Variants in STRBP observed in about 807,000 individuals in gnomAD.
STRBP encodes the protein spermatid perinuclear RNA binding protein.
In STRBP, 13 loss-of-function variants were observed where a neutral mutation model predicts 80.1. The observed-to-expected ratio is 0.16, with a 90% CI of 0.11 to 0.26. The LOEUF is 0.26. Among genes scored for constraint, STRBP ranks in the 10% least tolerant of loss-of-function variants. The pLI is 1.00. For synonymous variants in STRBP, 284 were observed against 291.2 expected (o/e 0.98, Z 0.25); for missense variants, 485 against 815.2 (o/e 0.59, Z 4.93).
At chr9:123,178,599 C>T (rs918195813) in intron 4 of STRBP, among the ~76,000 whole-genome samples, 35 of 152,252 alleles carry the variant, frequency 2.3e-4, no homozygotes, top group African/African-American at 8.2e-4. Flanking sequence ...CATTTTCCTA[C>T]ACTCTTTCTT....
In STRBP at chr9:123,184,289, T is replaced by A; in HGVS notation, c.-155A>T. ...AGCAAATGTCTGAAGGCTTGTTCTC[T>A]GGAACACACCTGCAAGAGAAGAGGA... On this transcript the variant is annotated 5_prime_UTR_variant, in exon 3 of 19. Transcript: ENST00000348403. 1.7e-6 allele frequency: 1 copy of A among 584,654 alleles called. No individual in the cohort carries two copies. The highest frequency in any genetic ancestry group is 2.9e-6 in the Non-Finnish European group (1 of 346,690). 36.2% of individuals were successfully genotyped at this position (584,654 alleles called of 1,614,324 possible). A position where few individuals can be genotyped will look rare whatever the true frequency, so the allele number is the denominator to read the frequency against.
At chr9:123,145,200 C>T (rs1020091370) in intron 13 of STRBP, among the ~76,000 whole-genome samples, 4 of 152,136 alleles carry the variant, frequency 2.6e-5, no homozygotes, top group Non-Finnish European at 4.4e-5. Context: ...TCTACATTTC[C>T]GAAATTTGTC....
chr9:123,121,669 T>C lies in STRBP; in HGVS notation c.*3928A>G, dbSNP rs1456734303. 3 of 152,066 alleles carry C rather than the reference T, an allele frequency of 2.0e-5. No homozygotes were observed. Among genetic ancestry groups the C allele is most frequent in the Non-Finnish European group, 4.4e-5 (3 of 68,000 alleles). 9.4% of individuals were successfully genotyped at this position (152,066 alleles called of 1,614,324 possible). A position where few individuals can be genotyped will look rare whatever the true frequency, so the allele number is the denominator to read the frequency against. On this transcript the variant is annotated 3_prime_UTR_variant, in exon 19 of 19. Transcript: ENST00000348403. ...TTTTTTCTATGGCTTCTTGCTGTTG[T>C]TGTATTAGGGCATACAACACAGATC...
chr9:123,124,105 AC>A lies in STRBP; in HGVS notation c.*1491del. ...ACATTTGTTGTACATTGCCCATTTCACCTTTATTTAGTGGTCCCGAAGGAAT... is the reference window on the plus strand; with the variant it reads ...ACATTTGTTGTACATTGCCCATTTCACTTTATTTAGTGGTCCCGAAGGAAT... On this transcript the variant is annotated 3_prime_UTR_variant, in exon 19 of 19. Transcript: ENST00000348403. 5 of 985,418 alleles carry A rather than the reference AC, an allele frequency of 5.1e-6. No individual in the cohort carries two copies. The highest frequency in any genetic ancestry group is 1.7e-5 in the African/African-American group (1 of 57,352). 61.0% of individuals were successfully genotyped at this position (985,418 alleles called of 1,614,324 possible).
intron 3 of STRBP, chr9:123,180,956 C>T (rs554393046): frequency 3.0e-6 from 3 of 984,414 alleles, no homozygotes; most frequent in African/African-American, 1.7e-5. Context: ...AACAGTCTTG[C>T]CTCTTTTGTT....
chr9:123,111,351 G>A (rs755884675), intron 3 of STRBP: 43 of 267,248 alleles, frequency 1.6e-4, no homozygotes, highest in Non-Finnish European at 3.0e-4. Flanking sequence ...AGGTGGAGAC[G>A]GAACTTCTCA....
At chr9:123,261,159 A>G (rs770094997) in intron 1 of STRBP, among the ~76,000 whole-genome samples, 11 of 152,084 alleles carry the variant, frequency 7.2e-5, no homozygotes, top group South Asian at 4.2e-4. Context: ...GCATACCCAT[A>G]CTCCACCCAG....
intron 1 of STRBP, among the ~76,000 whole-genome samples, chr9:123,259,283 T>C (rs2041109425): frequency 6.6e-6 from 1 of 152,078 alleles, no homozygotes; most frequent in South Asian, 2.1e-4. Flanking sequence ...TACTGAGATA[T>C]GGAAGATTAT....
chr9:123,133,933 G>A (rs566589767), intron 16 of STRBP, among the ~76,000 whole-genome samples: 125 of 152,128 alleles, frequency 8.2e-4, no homozygotes, highest in African/African-American at 2.8e-3. Context: ...TTAAAAATGT[G>A]GATAATGATA....
chr9:123,117,330 A>G (rs1282641777), downstream of STRBP, among the ~76,000 whole-genome samples: 1 of 152,160 alleles, frequency 6.6e-6, no homozygotes, highest in East Asian at 1.9e-4. Flanking sequence ...CTTTGTCCTG[A>G]AAAGGATCCC....
exon 4 of STRBP, chr9:123,109,577 G>A (rs749583171): frequency 6.6e-6 from 1 of 152,278 alleles, no homozygotes; most frequent in Non-Finnish European, 1.5e-5. Context: ...ACAAACTGCA[G>A]CAGCCAGACA....
At position 123,241,832 on chromosome 9, in the gene STRBP, G is replaced by A. The variant is rs373312084; in HGVS notation, c.-301-4866C>T. Among the ~76,000 whole-genome samples the A allele has an allele frequency of 3.9e-4, 59 of 152,080 alleles. 2 individuals are homozygous for A. In the South Asian group the frequency reaches 0.011, roughly 28 times the overall value. On this transcript the variant is annotated intron_variant, in intron 1 of 18. Transcript: ENST00000348403. ...CAGCAACCTTTTCACTCCCTTAATC[G>A]AAACATTCCAGTGGCTTCTCATCAC...
At chr9:123,238,149 T>A (rs570057116) in intron 1 of STRBP, among the ~76,000 whole-genome samples, 4 of 152,230 alleles carry the variant, frequency 2.6e-5, no homozygotes, top group Non-Finnish European at 4.4e-5. Context: ...AACGTTAGCA[T>A]TTCTTATTTA....
At chr9:123,154,955 G>C (rs1352428046) in intron 11 of STRBP, among the ~76,000 whole-genome samples, 1 of 152,208 alleles carries the variant, frequency 6.6e-6, no homozygotes, top group Non-Finnish European at 1.5e-5. Context: ...AGGTTTTTAC[G>C]CTGATGAGAA....
In STRBP at chr9:123,224,019, C is replaced by T. The variant is rs116279998; in HGVS notation, c.-165+12811G>A. Among the ~76,000 whole-genome samples, 513 of 152,266 alleles carry T rather than the reference C, an allele frequency of 3.4e-3. 1 individual carries two copies. The highest frequency in any genetic ancestry group is 0.012 in the African/African-American group (492 of 41,556). ...TAGAAAAATTCCACATGGATTTACA[C>T]TGGCAGAATTACACTTCACAACATG... On this transcript the variant is annotated intron_variant, in intron 2 of 18. Transcript: ENST00000348403.
At position 123,122,576 on chromosome 9, in the gene STRBP, A is replaced by T. The variant is rs2035766459; in HGVS notation, c.*3021T>A. Reference sequence around the variant, plus strand: ...CAACTCCTTACTTCACCACCCATGCACTTCATCTAGTCAGCATGAGGTATG... The same window carrying T: ...CAACTCCTTACTTCACCACCCATGCTCTTCATCTAGTCAGCATGAGGTATG... On this transcript the variant is annotated 3_prime_UTR_variant, in exon 19 of 19. Coordinates refer to ENST00000348403, the MANE Select transcript of STRBP (RefSeq NM_018387.5). 1 of 1,118,408 alleles carries T rather than the reference A, an allele frequency of 8.9e-7. No individual in the cohort carries two copies. The highest frequency in any genetic ancestry group is 1.1e-6 in the Non-Finnish European group (1 of 908,164). The allele number at this position is 1,118,408 out of a possible 1,614,324, so 69.3% of individuals were successfully genotyped here. A position where few individuals can be genotyped will look rare whatever the true frequency, so the allele number is the denominator to read the frequency against.
At chr9:123,130,759 T>C (rs1279062686) in intron 17 of STRBP, among the ~76,000 whole-genome samples, 2 of 152,160 alleles carry the variant, frequency 1.3e-5, no homozygotes, top group East Asian at 3.8e-4. Context: ...TCATAACCTT[T>C]TCCTTTTCCC....
At chr9:123,186,233 A>G (rs2038693257) in intron 2 of STRBP, among the ~76,000 whole-genome samples, 4 of 152,148 alleles carry the variant, frequency 2.6e-5, no homozygotes, top group Admixed American at 2.6e-4. Context: ...CTGTAGTCCC[A>G]GCTGCTCAGG....
chr9:123,266,434 C>A (rs2041267863), intron 1 of STRBP, among the ~76,000 whole-genome samples: 1 of 151,814 alleles, frequency 6.6e-6, no homozygotes, highest in Non-Finnish European at 1.5e-5. Flanking sequence ...GGATCCAGGT[C>A]CCCCCACCCC....
Sources: allele counts gnomAD v4.1 joint callset (sites outside exome capture counted in the v4.1 genomes callset), GRCh38; gene constraint gnomAD v4.1.1; transcripts MANE v1.5; gene names NCBI Gene and HGNC (gene_info 2026-07-23, HGNC 2026-07-21).